PBLD: variants seen among roughly 807,000 people sequenced by gnomAD.
PBLD encodes phenazine biosynthesis like protein domain containing, also known as phenazine biosynthesis-like domain-containing protein.
In PBLD, 26 loss-of-function variants were observed where a neutral mutation model predicts 31.3. That is an observed-to-expected ratio of 0.83 (90% CI 0.61 to 1.15). The LOEUF is 1.15. PBLD is among the 50% of genes most tolerant of loss of function. The pLI is 0.00. For missense variants in PBLD, 307 were observed against 351.7 expected, an observed-to-expected ratio of 0.87 and a Z score of 1.02; for synonymous variants, 114 against 129.0, an observed-to-expected ratio of 0.88 and a Z score of 0.79.
intron 1 of PBLD, among the ~76,000 whole-genome samples, chr10:68,318,318 G>T (rs1364010572): frequency 2.1e-5 from 3 of 144,732 alleles, no homozygotes; most frequent in African/African-American, 7.7e-5. Context: ...TGAGAGAACT[G>T]CTTGAGGCCA....
chr10:68,292,587 G>A (rs2044374785), intron 4 of PBLD, among the ~76,000 whole-genome samples: 1 of 150,350 alleles, frequency 6.7e-6, no homozygotes, highest in Admixed American at 6.7e-5. Context: ...TCAGCTCACT[G>A]TACCCTCTGC....
At chr10:68,298,088 A>C (rs905340376) in intron 2 of PBLD, among the ~76,000 whole-genome samples, 3 of 151,926 alleles carry the variant, frequency 2.0e-5, no homozygotes, top group African/African-American at 7.3e-5. Context: ...GTCTCAATAA[A>C]AAATAAAAAT....
chr10:68,308,583 C>G (rs1221601234), intron 1 of PBLD, among the ~76,000 whole-genome samples: 1 of 144,938 alleles, frequency 6.9e-6, no homozygotes, highest in Non-Finnish European at 1.5e-5. Context: ...GAGTCTTACT[C>G]TGTCACCCAG....
chr10:68,283,499 T>G lies in PBLD; in HGVS notation c.*678A>C, dbSNP rs2044252319. The G allele has an allele frequency of 6.6e-6, 1 of 152,248 alleles. No homozygotes were observed. Among genetic ancestry groups the G allele is most frequent in the Non-Finnish European group, 1.5e-5 (1 of 68,062 alleles). 9.4% of individuals were successfully genotyped at this position (152,248 alleles called of 1,614,324 possible). On this transcript the variant is annotated 3_prime_UTR_variant, in exon 10 of 10. Coordinates refer to ENST00000358769, the MANE Select transcript of PBLD (RefSeq NM_022129.4). ...AATATTTTTCTATATTTCCACATAG[T>G]TATTGACTCATTTTAATGGCTGCAA...
chr10:68,296,518 G>C (rs933568446), intron 3 of PBLD, among the ~76,000 whole-genome samples, 154 bp from the exon 4 acceptor site: 1 of 152,138 alleles, frequency 6.6e-6, no homozygotes, highest in Non-Finnish European at 1.5e-5. Context: ...AGCATCCTAG[G>C]GCTCCCCAGT....
At chr10:68,305,725 A>G (rs1466575406) in intron 2 of PBLD, among the ~76,000 whole-genome samples, 1 of 152,156 alleles carries the variant, frequency 6.6e-6, no homozygotes, top group Non-Finnish European at 1.5e-5. Flanking sequence ...ATTGCACTCC[A>G]GCCTGGGCAA....
At chr10:68,289,559 CAT>C (rs1181285701) in intron 6 of PBLD, among the ~76,000 whole-genome samples, 1 of 151,822 alleles carries the variant, frequency 6.6e-6, no homozygotes, top group Admixed American at 6.6e-5. Context: ...AGAAAAAAAA[CAT>C]AGGCATTCTC....
At chr10:68,310,686 T>A (rs1024706157) in intron 1 of PBLD, among the ~76,000 whole-genome samples, 1 of 149,476 alleles carries the variant, frequency 6.7e-6, no homozygotes, top group Admixed American at 6.8e-5. Context: ...CCTCACTGAG[T>A]GAGATTATGC....
In PBLD at chr10:68,282,941, A is replaced by C. The variant is rs2044247456; in HGVS notation, c.*1236T>G. 2.6e-5 allele frequency: 4 copies of C among 152,194 alleles called. No homozygotes were observed. The allele number at this position is 152,194 out of a possible 1,614,324, so 9.4% of individuals were successfully genotyped here. Reference sequence around the variant, plus strand: ...TATAGGTATTCAATATTGTATATTTAACTGAATTTAAAGTTATGTTAAAAC... The same window carrying C: ...TATAGGTATTCAATATTGTATATTTCACTGAATTTAAAGTTATGTTAAAAC... On this transcript the variant is annotated 3_prime_UTR_variant, in exon 10 of 10. Transcript: ENST00000358769.
Position 68,327,065 on chromosome 10 carries a change from T to C in PBLD, c.-60+5719A>G, listed in dbSNP as rs904658777. ...CACTACAAAACAACAACAACAACAATAAAAAAAAAACTGGGGTTCAGAAAA... is the reference window on the plus strand; with the variant it reads ...CACTACAAAACAACAACAACAACAACAAAAAAAAAACTGGGGTTCAGAAAA... On this transcript the variant is annotated intron_variant, in intron 1 of 9. Transcript: ENST00000358769. 2.1e-5 allele frequency among the ~76,000 whole-genome samples: 3 copies of C among 146,068 alleles called. No individual in the cohort carries two copies. In the South Asian group the frequency reaches 6.5e-4, roughly 32 times the overall value.
intron 3 of PBLD, 81 bp from the exon 4 acceptor site, chr10:68,296,445 T>A (rs2134447570): frequency 9.4e-7 from 1 of 1,060,996 alleles, no homozygotes; most frequent in Non-Finnish European, 1.4e-6. Context: ...TTCTTTCCTA[T>A]ATAGTTCTCT....
At chr10:68,315,370 AG>A (rs2044723445) in intron 1 of PBLD, among the ~76,000 whole-genome samples, 1 of 152,012 alleles carries the variant, frequency 6.6e-6, no homozygotes, top group South Asian at 2.1e-4. Flanking sequence ...GGTTGACTTG[AG>A]GTCAGGAGTT....
In PBLD at chr10:68,288,476, A is replaced by G; in HGVS notation, c.691+7T>C. On this transcript the variant is annotated splice_region_variant and intron_variant, in intron 8 of 9. Coordinates refer to ENST00000358769, the MANE Select transcript of PBLD (RefSeq NM_022129.4). ...TTAACCCTCCCCTGGGCTCAAGTAA[A>G]AAGTACCTGTCACTGGGTCTTCAGC... is the stretch of plus-strand genomic sequence containing the variant. The G allele has an allele frequency of 6.2e-7, 1 of 1,611,606 alleles. No homozygotes were observed. Among genetic ancestry groups the G allele is most frequent in the South Asian group, 1.1e-5 (1 of 90,684 alleles).
intron 1 of PBLD, among the ~76,000 whole-genome samples, chr10:68,322,717 T>C (rs1311560950): frequency 2.0e-5 from 3 of 151,956 alleles, no homozygotes; most frequent in Non-Finnish European, 4.4e-5. Context: ...GTGACAAATG[T>C]AGCATGGATG....
chr10:68,314,502 G>A (rs1002406001), intron 1 of PBLD, among the ~76,000 whole-genome samples: 1 of 152,184 alleles, frequency 6.6e-6, no homozygotes, highest in African/African-American at 2.4e-5. Context: ...AGAAGGGACA[G>A]GATGTGGTTG....
At chr10:68,310,478 C>G (rs2044651960) in intron 1 of PBLD, among the ~76,000 whole-genome samples, 1 of 149,380 alleles carries the variant, frequency 6.7e-6, no homozygotes, top group African/African-American at 2.5e-5. Context: ...CATCCACTCT[C>G]TTTGCATTTT....
At chr10:68,315,699 A>T (rs1449846991) in intron 1 of PBLD, among the ~76,000 whole-genome samples, 1 of 152,040 alleles carries the variant, frequency 6.6e-6, no homozygotes, top group African/African-American at 2.4e-5. Flanking sequence ...ACCTGAAGAA[A>T]CCCTAAGCTC....
rs201859696 is a variant in PBLD at position 68,329,627 on chromosome 10, GA to G, written c.-60+3156del. Among the ~76,000 whole-genome samples the G allele has an allele frequency of 3.1e-3, 475 of 151,758 alleles. 6 individuals are homozygous for G. Among genetic ancestry groups the G allele is most frequent in the African/African-American group, 0.011 (452 of 41,308 alleles). Reference sequence around the variant, plus strand: ...GCAATTTTTTTTTTAAAAGGAGGGAGAGGGGTTGGGACTCACAGTGTCTTGG... The same window carrying G: ...GCAATTTTTTTTTTAAAAGGAGGGAGGGGGTTGGGACTCACAGTGTCTTGG... On this transcript the variant is annotated intron_variant, in intron 1 of 9. Coordinates refer to ENST00000358769, the MANE Select transcript of PBLD (RefSeq NM_022129.4).
At chr10:68,326,940 G>A (rs1450855950) in intron 1 of PBLD, among the ~76,000 whole-genome samples, 3 of 152,092 alleles carry the variant, frequency 2.0e-5, no homozygotes, top group Non-Finnish European at 1.5e-5. Flanking sequence ...CCAGCTACTC[G>A]GGAGGCTGAG....
Sources: allele counts gnomAD v4.1 joint callset (sites outside exome capture counted in the v4.1 genomes callset), GRCh38; gene constraint gnomAD v4.1.1; transcripts MANE v1.5; gene names NCBI Gene and HGNC (gene_info 2026-07-23, HGNC 2026-07-21).